The following CCDC38 variants were observed in gnomAD, a reference collection of about 807,000 sequenced individuals.
The protein encoded by CCDC38 is coiled-coil domain-containing protein 38.
Under a neutral mutation model 72.8 loss-of-function variants are expected in CCDC38, and 69 were observed. That is an observed-to-expected ratio of 0.95 (90% CI 0.78 to 1.16). The LOEUF is 1.16. CCDC38 is among the 50% of genes most tolerant of loss of function. The pLI, the probability that CCDC38 is intolerant of heterozygous loss-of-function variation, is 0.00. For missense variants in CCDC38, 626 were observed against 638.9 expected (o/e 0.98, Z 0.22); for synonymous variants, 201 against 213.2 (o/e 0.94, Z 0.50).
At chr12:95,896,825 A>AG (rs5800236) in intron 7 of CCDC38, among the ~76,000 whole-genome samples, 62,690 of 152,076 alleles carry the variant, frequency 0.41, 13,886 homozygotes, top group African/African-American at 0.56. Flanking sequence ...GCACCTTTCT[A>AG]GATGATGTGA....
intron 2 of CCDC38, among the ~76,000 whole-genome samples, chr12:95,928,447 T>G (rs1159546782): frequency 6.6e-6 from 1 of 152,200 alleles, no homozygotes; most frequent in Admixed American, 6.5e-5. Context: ...CTTCTAAACT[T>G]TTTTCAAAGT....
chr12:95,905,173 G>A (rs1253436579), intron 5 of CCDC38, among the ~76,000 whole-genome samples: 2 of 151,896 alleles, frequency 1.3e-5, no homozygotes, highest in Non-Finnish European at 2.9e-5. Context: ...GTATTATTTT[G>A]TTGTTATTTT....
At chr12:95,922,388 A>C (rs75789092) in intron 2 of CCDC38, among the ~76,000 whole-genome samples, 1,994 of 152,364 alleles carry the variant, frequency 0.013, 42 homozygotes, top group African/African-American at 0.045. Flanking sequence ...GCAGTGCCAC[A>C]TGGGAATTGC....
At chr12:95,921,213 T>C (rs1270815648) in intron 2 of CCDC38, among the ~76,000 whole-genome samples, 1 of 152,178 alleles carries the variant, frequency 6.6e-6, no homozygotes, top group Non-Finnish European at 1.5e-5. Context: ...TAACATTTGA[T>C]ATGACAAAAA....
rs1179741003 is a variant in CCDC38, at chr12:95,926,712, G to A, written c.38-7736C>T. 2.2e-4 allele frequency among the ~76,000 whole-genome samples: 34 copies of A among 151,228 alleles called. No homozygotes were observed. In the East Asian group the frequency reaches 3.3e-3, roughly 15 times the overall value. On this transcript the variant is annotated intron_variant, in intron 2 of 15. Coordinates refer to ENST00000344280, the MANE Select transcript of CCDC38 (RefSeq NM_182496.3). ...AAATTTCCCTCTACACACTGCTTTGGATGCGTCCCAGAGATTCTGGTATGT... is the reference window on the plus strand; with the variant it reads ...AAATTTCCCTCTACACACTGCTTTGAATGCGTCCCAGAGATTCTGGTATGT...
intron 1 of CCDC38, among the ~76,000 whole-genome samples, chr12:95,939,641 G>T (rs773698036): frequency 6.6e-6 from 1 of 152,200 alleles, no homozygotes; most frequent in East Asian, 1.9e-4. Context: ...AGAAGGCAGT[G>T]GGGGAAGGGG....
intron 2 of CCDC38, among the ~76,000 whole-genome samples, chr12:95,925,201 C>T (rs1237822652): frequency 6.6e-6 from 1 of 152,078 alleles, no homozygotes; most frequent in Non-Finnish European, 1.5e-5. Flanking sequence ...TTGTTTGTAT[C>T]CTCTTCTATT....
chr12:95,892,493 AAG>A, intron 8 of CCDC38, among the ~76,000 whole-genome samples: 1 of 151,190 alleles, frequency 6.6e-6, no homozygotes, highest in Middle Eastern at 3.4e-3. Flanking sequence ...TATGTTGCCC[AAG>A]CTGGTCTCCT....
In CCDC38 at chr12:95,878,275, T is replaced by G; in HGVS notation, c.1214A>C (p.Lys405Thr). Reference sequence around the variant, plus strand: ...GGACTTTAATTGCAATTCTGCTGCTTTCTCTTCTTCTCTCACACAGTTAGC... The same window carrying G: ...GGACTTTAATTGCAATTCTGCTGCTGTCTCTTCTTCTCTCACACAGTTAGC... Reference protein sequence around the residue: ...LKANCVREEEKAAELQLKSKL... With the variant: ...LKANCVREEETAAELQLKSKL... Residue 405 changes from lysine to threonine, a missense_variant, in exon 13 of 16, where the codon AAA becomes ACA. Coordinates refer to ENST00000344280, the MANE Select transcript of CCDC38 (RefSeq NM_182496.3). 1 of 1,613,670 alleles carries G rather than the reference T, an allele frequency of 6.2e-7. No individual in the cohort carries two copies. The highest frequency in any genetic ancestry group is 8.5e-7 in the Non-Finnish European group (1 of 1,179,800).
intron 13 of CCDC38, among the ~76,000 whole-genome samples, chr12:95,874,029 C>A (rs1370713596): frequency 6.6e-6 from 1 of 152,172 alleles, no homozygotes; most frequent in Non-Finnish European, 1.5e-5. Flanking sequence ...CCTATATTGG[C>A]CATAAATTTC....
At chr12:95,891,427 C>T (rs758074541) in intron 8 of CCDC38, among the ~76,000 whole-genome samples, 3 of 152,136 alleles carry the variant, frequency 2.0e-5, no homozygotes, top group Admixed American at 6.5e-5. Flanking sequence ...CTCACTGCAG[C>T]CTTGACCTCC....
intron 1 of CCDC38, among the ~76,000 whole-genome samples, chr12:95,940,659 A>C (rs1296975384): frequency 1.3e-5 from 2 of 152,000 alleles, no homozygotes; most frequent in Non-Finnish European, 2.9e-5. Context: ...TGGTGTGGGG[A>C]GATCACAGTT....
chr12:95,906,242 A>G (rs2079999498), intron 5 of CCDC38, 145 bp downstream of exon 5: 3 of 615,722 alleles, frequency 4.9e-6, no homozygotes, highest in Non-Finnish European at 5.8e-6. Context: ...GTATTTTTCA[A>G]ATTAATGAAC....
intron 5 of CCDC38, among the ~76,000 whole-genome samples, chr12:95,905,283 G>C (rs1380829648): frequency 6.6e-6 from 1 of 152,066 alleles, no homozygotes; most frequent in Non-Finnish European, 1.5e-5. Flanking sequence ...TTTTTGATAA[G>C]TGGACACTTC....
chr12:95,925,219 G>C (rs2080255691), intron 2 of CCDC38, among the ~76,000 whole-genome samples: 2 of 152,194 alleles, frequency 1.3e-5, no homozygotes, highest in African/African-American at 4.8e-5. Context: ...ATTTCCTTGA[G>C]CAGTGGTTTG....
chr12:95,872,048 T>G (rs1252804675), intron 14 of CCDC38, among the ~76,000 whole-genome samples: 1 of 152,156 alleles, frequency 6.6e-6, no homozygotes, highest in Non-Finnish European at 1.5e-5. Context: ...TCATTACCAT[T>G]GGTAATGACA....
intron 1 of CCDC38, among the ~76,000 whole-genome samples, chr12:95,937,690 A>G (rs1392779791): frequency 6.6e-6 from 1 of 152,202 alleles, no homozygotes; most frequent in Non-Finnish European, 1.5e-5. Context: ...TCCCGGAAGC[A>G]GAGCAGCAGA....
chr12:95,884,593 GA>G (rs998378555), intron 10 of CCDC38, among the ~76,000 whole-genome samples: 10 of 152,230 alleles, frequency 6.6e-5, no homozygotes, highest in African/African-American at 2.4e-4. Flanking sequence ...CACAGTTCTG[GA>G]GGCTAGAAGT....
Position 95,867,176 on chromosome 12 carries a change from AGTC to A in CCDC38, c.1589_1591del (p.Arg530del), listed in dbSNP as rs1325827336. On this transcript the variant is annotated inframe_deletion, in exon 16 of 16. Transcript: ENST00000344280. ...AGATGGAGGTTTTGAATGAAAGACAAGTCGTCTTCCCAACTGAAACAAAAGAAA... is the reference window on the plus strand; with the variant it reads ...AGATGGAGGTTTTGAATGAAAGACAAGTCTTCCCAACTGAAACAAAAGAAA... 3.2e-6 allele frequency: 5 copies of A among 1,585,250 alleles called. No individual in the cohort carries two copies. Among genetic ancestry groups the A allele is most frequent in the African/African-American group, 2.7e-5 (2 of 74,300 alleles).
Sources: gnomAD v4.1 joint callset for allele counts (sites outside exome capture counted in the v4.1 genomes callset) on GRCh38, gnomAD v4.1.1 for gene constraint, MANE v1.5 for transcripts, NCBI Gene and HGNC (gene_info 2026-07-23, HGNC 2026-07-21) for gene names.